AGBL1: variants seen among roughly 807,000 people sequenced by gnomAD.
AGBL1 encodes AGBL carboxypeptidase 1.
AGBL1 carries 130 observed loss-of-function variants against 118.9 expected under a neutral mutation model. The ratio of observed to expected loss-of-function variants is 1.09; its 90% confidence interval spans 0.95 to 1.26. The LOEUF is 1.26. Among genes scored for constraint, AGBL1 ranks in the 50% most tolerant of loss-of-function variants. AGBL1 has a pLI of 0.00. For synonymous variants in AGBL1, 555 were observed against 478.9 expected (o/e 1.16, Z -2.08); for missense variants, 1,584 against 1,298.1 (o/e 1.22, Z -3.38).
intron 6 of AGBL1, among the ~76,000 whole-genome samples, chr15:86,244,571 T>C (rs1369058920): frequency 6.6e-6 from 1 of 151,642 alleles, no homozygotes; most frequent in African/African-American, 2.4e-5. Context: ...AACATGAGAG[T>C]TTGCTGGGGA....
At chr15:86,716,031 A>T (rs938341810) in intron 22 of AGBL1, among the ~76,000 whole-genome samples, 1 of 149,118 alleles carries the variant, frequency 6.7e-6, no homozygotes, top group African/African-American at 2.5e-5. Flanking sequence ...GTACCACTGC[A>T]CTCCAGCCTG....
chr15:86,183,548 A>T (rs2077582764), intron 5 of AGBL1, among the ~76,000 whole-genome samples: 1 of 152,162 alleles, frequency 6.6e-6, no homozygotes, highest in South Asian at 2.1e-4. Flanking sequence ...TCAAATTTAA[A>T]AACAGAAATG....
At chr15:86,475,906 T>A (rs1430649276) in intron 18 of AGBL1, among the ~76,000 whole-genome samples, 4 of 151,876 alleles carry the variant, frequency 2.6e-5, no homozygotes, top group African/African-American at 4.8e-5. Flanking sequence ...CAGAAGAGAG[T>A]GGGGGCCAAT....
chr15:86,682,139 C>T (rs2085970184), intron 22 of AGBL1, among the ~76,000 whole-genome samples: 6 of 152,102 alleles, frequency 3.9e-5, no homozygotes, highest in Admixed American at 3.9e-4. Context: ...TTCTTAGCTT[C>T]TTTCTATAGT....
At chr15:86,795,556 C>T (rs933191468) in intron 22 of AGBL1, among the ~76,000 whole-genome samples, 1 of 150,670 alleles carries the variant, frequency 6.6e-6, no homozygotes, top group African/African-American at 2.4e-5. Flanking sequence ...TCAGCACAGG[C>T]ATTTGACTAG....
intron 23 of AGBL1, among the ~76,000 whole-genome samples, chr15:86,948,943 A>G (rs2080852157): frequency 6.6e-6 from 1 of 152,226 alleles, no homozygotes; most frequent in African/African-American, 2.4e-5. Flanking sequence ...ACATTCATTG[A>G]TGTAACATCT....
At chr15:86,521,064 G>A (rs2083183711) in intron 18 of AGBL1, among the ~76,000 whole-genome samples, 1 of 152,176 alleles carries the variant, frequency 6.6e-6, no homozygotes, top group Non-Finnish European at 1.5e-5. Flanking sequence ...ACATGCACAA[G>A]ACCTACCATT....
At chr15:86,799,566 T>C (rs2078621160) in intron 22 of AGBL1, among the ~76,000 whole-genome samples, 1 of 152,164 alleles carries the variant, frequency 6.6e-6, no homozygotes, top group South Asian at 2.1e-4. Flanking sequence ...ATTTAAAAAA[T>C]GGCATCTGAT....
At chr15:87,017,541 A>T (rs1467021683) in intron 24 of AGBL1, among the ~76,000 whole-genome samples, 5 of 152,170 alleles carry the variant, frequency 3.3e-5, no homozygotes, top group African/African-American at 1.2e-4. Context: ...AAATGGCAGC[A>T]GTCCTACAGA....
At chr15:86,472,004 G>A (rs1444665702) in intron 18 of AGBL1, among the ~76,000 whole-genome samples, 1 of 152,166 alleles carries the variant, frequency 6.6e-6, no homozygotes, top group East Asian at 1.9e-4. Context: ...CAAAGAAGAA[G>A]GTCATGTGAA....
At chr15:86,387,123 A>T (rs1218680109) in intron 17 of AGBL1, among the ~76,000 whole-genome samples, 1 of 152,210 alleles carries the variant, frequency 6.6e-6, no homozygotes, top group African/African-American at 2.4e-5. Flanking sequence ...TGAGTTGTAC[A>T]CAGTTGCATA....
intron 21 of AGBL1, among the ~76,000 whole-genome samples, chr15:86,565,573 G>T (rs934787541): frequency 6.6e-6 from 1 of 152,216 alleles, no homozygotes; most frequent in Non-Finnish European, 1.5e-5. Flanking sequence ...GGCTACTCAG[G>T]GGTCAAGGAC....
chr15:86,331,275 G>T (rs573310741), intron 17 of AGBL1, among the ~76,000 whole-genome samples: 3 of 150,072 alleles, frequency 2.0e-5, no homozygotes, highest in Non-Finnish European at 4.4e-5. Flanking sequence ...TATGTAAAGT[G>T]ACCAAATCTA....
At chr15:86,932,189 C>G (rs2080614196) in intron 23 of AGBL1, among the ~76,000 whole-genome samples, 1 of 152,212 alleles carries the variant, frequency 6.6e-6, no homozygotes. Context: ...CCAACACCCT[C>G]CCATTTGAAG....
intron 22 of AGBL1, among the ~76,000 whole-genome samples, chr15:86,774,892 T>C (rs1346298672): frequency 1.3e-5 from 2 of 152,062 alleles, no homozygotes; most frequent in African/African-American, 4.8e-5. Flanking sequence ...ATTAAGAGTC[T>C]AAAATGCCAT....
chr15:86,666,823 G>T (rs1042734210), intron 21 of AGBL1, among the ~76,000 whole-genome samples: 1 of 152,024 alleles, frequency 6.6e-6, no homozygotes, highest in African/African-American at 2.4e-5. Context: ...TGAGAAAACC[G>T]AGGCACTAAA....
At chr15:86,945,527 G>A (rs2080808668) in intron 23 of AGBL1, among the ~76,000 whole-genome samples, 1 of 151,938 alleles carries the variant, frequency 6.6e-6, no homozygotes, top group African/African-American at 2.4e-5. Flanking sequence ...AAAAAAATTA[G>A]CCGGTTGTGG....
At chr15:87,005,668 C>G (rs538743835) in intron 24 of AGBL1, among the ~76,000 whole-genome samples, 1 of 152,310 alleles carries the variant, frequency 6.6e-6, no homozygotes, top group South Asian at 2.1e-4. Flanking sequence ...GTTTGATCAT[C>G]TGAAGCCTTC....
chr15:86,380,840 C>G (rs2081104741), intron 17 of AGBL1, among the ~76,000 whole-genome samples: 1 of 152,132 alleles, frequency 6.6e-6, no homozygotes, highest in African/African-American at 2.4e-5. Flanking sequence ...CACAGCAGAA[C>G]TTTTTAAATT....
Sources: gnomAD v4.1 joint callset for allele counts (sites outside exome capture counted in the v4.1 genomes callset) on GRCh38, gnomAD v4.1.1 for gene constraint, MANE v1.5 for transcripts, NCBI Gene and HGNC (gene_info 2026-07-23, HGNC 2026-07-21) for gene names.